Variants in DTNA observed in about 807,000 individuals in gnomAD.
DTNA encodes dystrophin-related protein 3.
Under a neutral mutation model 100.7 loss-of-function variants are expected in DTNA, and 43 were observed. That is an observed-to-expected ratio of 0.43 (90% CI 0.33 to 0.55). The LOEUF (loss-of-function observed/expected upper bound fraction) is 0.55, where lower values mean the gene tolerates loss of function less well. DTNA is among the 20% of genes least tolerant of loss of function. The pLI is 0.04. For missense variants in DTNA, 798 were observed against 953.9 expected, an observed-to-expected ratio of 0.84 and a Z score of 2.15; for synonymous variants, 349 against 347.9, an observed-to-expected ratio of 1.00 and a Z score of -0.04.
intron 1 of DTNA, among the ~76,000 whole-genome samples, chr18:34,498,109 C>T (rs1357321389): frequency 6.6e-6 from 1 of 151,790 alleles, no homozygotes; most frequent in Non-Finnish European, 1.5e-5. Flanking sequence ...TGTGAAACCC[C>T]GTTTCTACTA....
chr18:34,734,956 A>G (rs1018752235), intron 1 of DTNA, among the ~76,000 whole-genome samples: 10 of 152,198 alleles, frequency 6.6e-5, no homozygotes, highest in African/African-American at 1.9e-4. Context: ...AAAGAACTCC[A>G]TTCTTAATAT....
intron 1 of DTNA, among the ~76,000 whole-genome samples, chr18:34,528,497 T>C (rs2042850915): frequency 1.3e-5 from 2 of 152,024 alleles, no homozygotes; most frequent in Admixed American, 1.3e-4. Context: ...TACACACACA[T>C]ATATTTTTTT....
chr18:34,775,282 C>T (rs531717983), intron 3 of DTNA, among the ~76,000 whole-genome samples: 9 of 152,052 alleles, frequency 5.9e-5, no homozygotes, highest in East Asian at 1.9e-4. Flanking sequence ...GTCAGGAGAT[C>T]GAGACGATCC....
chr18:34,658,776 CA>C (rs2074755085), intron 1 of DTNA, among the ~76,000 whole-genome samples: 1 of 152,196 alleles, frequency 6.6e-6, no homozygotes, highest in African/African-American at 2.4e-5. Context: ...GTCCAGAGAA[CA>C]ACACTAATTT....
intron 1 of DTNA, among the ~76,000 whole-genome samples, chr18:34,689,194 G>A (rs983185631): frequency 3.9e-5 from 6 of 152,118 alleles, no homozygotes; most frequent in Non-Finnish European, 7.4e-5. Flanking sequence ...TTGCTGGCGA[G>A]GAATTGTGAT....
At chr18:34,534,923 T>C in intron 1 of DTNA, among the ~76,000 whole-genome samples, 2 of 152,182 alleles carry the variant, frequency 1.3e-5, no homozygotes, top group East Asian at 3.9e-4. Context: ...CCCTAGTCTT[T>C]GCTATTGTAA....
chr18:34,713,419 C>A (rs533268188), intron 1 of DTNA, among the ~76,000 whole-genome samples: 1 of 152,224 alleles, frequency 6.6e-6, no homozygotes, highest in South Asian at 2.1e-4. Context: ...GCGATAGAGG[C>A]TGTCATCAAA....
chr18:34,502,550 A>G (rs1260284666), intron 1 of DTNA, among the ~76,000 whole-genome samples: 2 of 152,040 alleles, frequency 1.3e-5, no homozygotes, highest in Non-Finnish European at 2.9e-5. Context: ...ATTTTTGTAT[A>G]TTGTATTTTC....
At chr18:34,597,845 A>G (rs1330211307) in intron 1 of DTNA, among the ~76,000 whole-genome samples, 1 of 135,394 alleles carries the variant, frequency 7.4e-6, no homozygotes, top group Non-Finnish European at 1.5e-5. Context: ...GGTTGACCTC[A>G]TAAGTCACCT....
chr18:34,712,883 T>C (rs1010152990), intron 1 of DTNA, among the ~76,000 whole-genome samples: 5 of 152,088 alleles, frequency 3.3e-5, no homozygotes, highest in African/African-American at 1.2e-4. Flanking sequence ...AAAACAACCA[T>C]ATTGAGTAAA....
intron 1 of DTNA, among the ~76,000 whole-genome samples, chr18:34,675,106 G>T (rs568466368): frequency 4.5e-4 from 69 of 152,172 alleles, no homozygotes; most frequent in African/African-American, 1.6e-3. Flanking sequence ...ACCTACCAGG[G>T]TTCCTCAACC....
At chr18:34,734,393 A>G (rs775150773) in intron 1 of DTNA, among the ~76,000 whole-genome samples, 1 of 152,168 alleles carries the variant, frequency 6.6e-6, no homozygotes, top group Non-Finnish European at 1.5e-5. Flanking sequence ...CCTCAGTTTC[A>G]TCAGAATCTT....
intron 1 of DTNA, among the ~76,000 whole-genome samples, chr18:34,626,533 C>G (rs1378657649): frequency 1.3e-5 from 2 of 152,056 alleles, no homozygotes; most frequent in African/African-American, 4.8e-5. Context: ...TTGAGAGTTA[C>G]AAACTGGTCA....
chr18:34,699,191 A>G (rs1280465332), intron 1 of DTNA, among the ~76,000 whole-genome samples: 9 of 151,820 alleles, frequency 5.9e-5, no homozygotes, highest in African/African-American at 1.9e-4. Flanking sequence ...CTATAAAACC[A>G]TGTATTATAA....
intron 1 of DTNA, among the ~76,000 whole-genome samples, chr18:34,545,252 A>G (rs558691562): frequency 1.3e-5 from 2 of 152,192 alleles, no homozygotes; most frequent in East Asian, 3.9e-4. Context: ...TGGCTAGCCA[A>G]TGGACACTGG....
chr18:34,495,929 G>C (rs1601074980), intron 1 of DTNA, among the ~76,000 whole-genome samples: 1 of 151,702 alleles, frequency 6.6e-6, no homozygotes, highest in East Asian at 1.9e-4. Context: ...CATTTTATTG[G>C]GCAGATGTCT....
At chr18:34,787,936 G>C (rs1247626301) in intron 3 of DTNA, among the ~76,000 whole-genome samples, 2 of 152,156 alleles carry the variant, frequency 1.3e-5, no homozygotes, top group Non-Finnish European at 2.9e-5. Context: ...GGTTAAGAAT[G>C]CATTTTGTCT....
intron 1 of DTNA, among the ~76,000 whole-genome samples, chr18:34,740,779 G>A (rs2090497143): frequency 6.6e-6 from 1 of 151,770 alleles, no homozygotes; most frequent in African/African-American, 2.4e-5. Flanking sequence ...CTAGGTGGCA[G>A]GGTGAGATGC....
chr18:34,548,284 T>C (rs2045021851), intron 1 of DTNA, among the ~76,000 whole-genome samples: 4 of 152,104 alleles, frequency 2.6e-5, no homozygotes, highest in Admixed American at 2.6e-4. Context: ...CCCTATACTC[T>C]GGTAATTCAC....
Sources: gnomAD v4.1 joint callset for allele counts (sites outside exome capture counted in the v4.1 genomes callset) on GRCh38, gnomAD v4.1.1 for gene constraint, MANE v1.5 for transcripts, NCBI Gene and HGNC (gene_info 2026-07-23, HGNC 2026-07-21) for gene names.